RSRC1: variants seen among roughly 807,000 people sequenced by gnomAD.
RSRC1 encodes the protein arginine and serine rich coiled-coil 1.
RSRC1 carries 39 observed loss-of-function variants against 49.1 expected under a neutral mutation model. The ratio of observed to expected loss-of-function variants is 0.79; its 90% CI spans 0.61 to 1.04. RSRC1 has a LOEUF of 1.04. RSRC1 is among the 50% of genes least tolerant of loss of function. RSRC1 has a pLI of 0.00. For missense variants in RSRC1, 388 were observed against 402.4 expected, an observed-to-expected ratio of 0.96 and a Z score of 0.31; for synonymous variants, 143 against 130.8, an observed-to-expected ratio of 1.09 and a Z score of -0.63.
chr3:158,171,252 A>G (rs1718864565), intron 3 of RSRC1, among the ~76,000 whole-genome samples: 1 of 152,184 alleles, frequency 6.6e-6, no homozygotes, highest in Non-Finnish European at 1.5e-5. Flanking sequence ...AAAATAAACA[A>G]CAAAATCAAC....
At position 158,427,676 on chromosome 3, in the gene RSRC1, G is replaced by C. The variant is rs931596393; in HGVS notation, c.584-33259G>C. ...GAATTTTTTACTGGCATTTCTTAGT[G>C]TATTTCTTTTTCCTTATTCATATGT... On this transcript the variant is annotated intron_variant, in intron 6 of 9. Transcript: ENST00000611884. Among the ~76,000 whole-genome samples, 5 of 151,550 alleles carry C rather than the reference G, an allele frequency of 3.3e-5. No individual in the cohort carries two copies. In the East Asian group the frequency reaches 9.7e-4, roughly 30 times the overall value.
intron 3 of RSRC1, among the ~76,000 whole-genome samples, chr3:158,145,638 C>T (rs1433706272): frequency 6.6e-6 from 1 of 152,138 alleles, no homozygotes; most frequent in Non-Finnish European, 1.5e-5. Context: ...TCCATATGAA[C>T]TTTAAAGTAG....
chr3:158,401,320 T>C (rs1429753293), intron 6 of RSRC1, among the ~76,000 whole-genome samples: 4 of 152,058 alleles, frequency 2.6e-5, no homozygotes, highest in Non-Finnish European at 4.4e-5. Context: ...TTTGCTTATT[T>C]CTACCCACAG....
chr3:158,258,584 TTCTC>T (rs1208448750), intron 4 of RSRC1, among the ~76,000 whole-genome samples: 1 of 152,150 alleles, frequency 6.6e-6, no homozygotes, highest in Admixed American at 6.5e-5. Flanking sequence ...ACTGGTGTCT[TTCTC>T]TAGGTTTGGG....
intron 6 of RSRC1, among the ~76,000 whole-genome samples, chr3:158,407,856 A>G (rs1734234896): frequency 6.6e-6 from 1 of 152,174 alleles, no homozygotes; most frequent in African/African-American, 2.4e-5. Context: ...ACTTTAACAC[A>G]GCATCTTCCA....
intron 7 of RSRC1, among the ~76,000 whole-genome samples, chr3:158,523,758 C>T (rs1290233239): frequency 1.3e-5 from 2 of 151,976 alleles, no homozygotes; most frequent in African/African-American, 2.4e-5. Flanking sequence ...ACAAAATTGC[C>T]CATGTTTGAT....
At chr3:158,384,693 A>G (rs759899279) in intron 6 of RSRC1, among the ~76,000 whole-genome samples, 3 of 152,170 alleles carry the variant, frequency 2.0e-5, no homozygotes, top group Non-Finnish European at 4.4e-5. Context: ...TTGGCCTTCA[A>G]TAAAGAAATG....
At chr3:158,475,727 TC>T (rs1382347215) in intron 7 of RSRC1, among the ~76,000 whole-genome samples, 19 of 149,044 alleles carry the variant, frequency 1.3e-4, no homozygotes, top group Non-Finnish European at 1.9e-4. Flanking sequence ...GCTATTCCTC[TC>T]TCTCTCTCTC....
chr3:158,487,075 C>T (rs949243659), intron 7 of RSRC1, among the ~76,000 whole-genome samples: 1 of 152,096 alleles, frequency 6.6e-6, no homozygotes, highest in African/African-American at 2.4e-5. Context: ...GAGGAGTCAG[C>T]CCAAGAACCT....
chr3:158,423,553 G>A (rs536209092), intron 6 of RSRC1, among the ~76,000 whole-genome samples: 14 of 152,128 alleles, frequency 9.2e-5, no homozygotes, highest in South Asian at 6.2e-4. Context: ...TTGACTTGGC[G>A]ATGCGGGCTC....
chr3:158,532,933 A>G (rs1419897922), intron 7 of RSRC1, among the ~76,000 whole-genome samples: 1 of 151,734 alleles, frequency 6.6e-6, no homozygotes, highest in East Asian at 1.9e-4. Flanking sequence ...ATAAACCATA[A>G]CTCATTTTAA....
chr3:158,162,028 G>T (rs1023471709), intron 3 of RSRC1, among the ~76,000 whole-genome samples: 1 of 152,150 alleles, frequency 6.6e-6, no homozygotes, highest in Non-Finnish European at 1.5e-5. Flanking sequence ...GTTTAGCTAC[G>T]TGGTAGGGAG....
chr3:158,262,412 TAA>T (rs1029297130), intron 4 of RSRC1, among the ~76,000 whole-genome samples: 1 of 152,052 alleles, frequency 6.6e-6, no homozygotes, highest in Admixed American at 6.5e-5. Context: ...TGTATCTTCG[TAA>T]AAAAAATCAG....
intron 4 of RSRC1, among the ~76,000 whole-genome samples, chr3:158,236,129 G>A (rs827124): frequency 0.59 from 85,427 of 144,938 alleles, 24,552 homozygotes; most frequent in East Asian, 0.73. Flanking sequence ...AAAAAAAAAA[G>A]GAAGAAGAAA....
chr3:158,289,105 T>A (rs535578094), intron 4 of RSRC1, among the ~76,000 whole-genome samples: 1 of 152,284 alleles, frequency 6.6e-6, no homozygotes, highest in Non-Finnish European at 1.5e-5. Context: ...ACATTTCAAG[T>A]CTGTTTCTGC....
intron 6 of RSRC1, among the ~76,000 whole-genome samples, chr3:158,370,089 T>A (rs1731982930): frequency 1.3e-5 from 2 of 152,044 alleles, no homozygotes; most frequent in Admixed American, 1.3e-4. Flanking sequence ...ATTTTGGTTT[T>A]ACCAAAAGTT....
intron 6 of RSRC1, among the ~76,000 whole-genome samples, chr3:158,429,539 T>A (rs1005726441): frequency 6.9e-6 from 1 of 144,792 alleles, no homozygotes; most frequent in African/African-American, 2.6e-5. Context: ...AATATAATGC[T>A]GTCTTTTCAT....
chr3:158,189,089 A>G (rs1720081519), intron 3 of RSRC1, among the ~76,000 whole-genome samples: 1 of 151,832 alleles, frequency 6.6e-6, no homozygotes, highest in Non-Finnish European at 1.5e-5. Context: ...GGATATATAA[A>G]CATATATTAC....
intron 7 of RSRC1, among the ~76,000 whole-genome samples, chr3:158,500,659 A>G (rs1739552210): frequency 2.0e-5 from 3 of 152,088 alleles, no homozygotes; most frequent in African/African-American, 7.2e-5. Flanking sequence ...AAAGGTGTTC[A>G]TAGTAGCCTT....
Sources: gnomAD v4.1 joint callset for allele counts (sites outside exome capture counted in the v4.1 genomes callset) on GRCh38, gnomAD v4.1.1 for gene constraint, MANE v1.5 for transcripts, NCBI Gene and HGNC (gene_info 2026-07-23, HGNC 2026-07-21) for gene names.